Variants in WDR33 observed in about 807,000 individuals in gnomAD.
WDR33 encodes pre-mRNA 3' end processing protein WDR33.
Under a neutral mutation model 164.9 loss-of-function variants are expected in WDR33, and 47 were observed. That is an observed-to-expected ratio of 0.29 (90% CI 0.23 to 0.36). The LOEUF is 0.36. Ranked by LOEUF, WDR33 falls within the 10% of genes least tolerant of loss-of-function variation. WDR33 has a pLI of 1.00. For missense variants in WDR33, 1,137 were observed against 1,754.1 expected (o/e 0.65, Z 6.28); for synonymous variants, 505 against 589.0 (o/e 0.86, Z 2.06).
chr2:127,748,926 G>A (rs1238291503), intron 7 of WDR33, among the ~76,000 whole-genome samples: 2 of 150,124 alleles, frequency 1.3e-5, no homozygotes, highest in Non-Finnish European at 3.0e-5. Flanking sequence ...TTAACTACTG[G>A]AATTATCTGG....
intron 1 of WDR33, among the ~76,000 whole-genome samples, chr2:127,807,682 A>T (rs1470897696): frequency 6.6e-6 from 1 of 152,250 alleles, no homozygotes; most frequent in African/African-American, 2.4e-5. Flanking sequence ...AGAGTTAATA[A>T]GCAACAGCCA....
chr2:127,727,563 G>A (rs577712620), intron 7 of WDR33, among the ~76,000 whole-genome samples: 10 of 151,974 alleles, frequency 6.6e-5, no homozygotes, highest in Non-Finnish European at 1.5e-4. Flanking sequence ...CCCTGAGCCT[G>A]GTCCATGGGA....
In WDR33 at chr2:127,718,538, A is replaced by G. The variant is rs1686349412; in HGVS notation, c.2760+727T>C. ...TGAACTTTCCTCACACCATCTCTCA[A>G]GCACGAGCTCAGCGCATGAGCAATA... On this transcript the variant is annotated intron_variant, in intron 16 of 21. Coordinates refer to ENST00000322313, the MANE Select transcript of WDR33 (RefSeq NM_018383.5). The surrounding 1 kb of genome is among the most constrained non-coding windows in gnomAD (Gnocchi z 4.4). 6.6e-6 allele frequency among the ~76,000 whole-genome samples: 1 copy of G among 152,188 alleles called. No individual in the cohort carries two copies. Among genetic ancestry groups the G allele is most frequent in the Non-Finnish European group, 1.5e-5 (1 of 68,028 alleles).
rs773983716 is a variant in WDR33, at chr2:127,701,916, G to C, written c.*4407C>G. On this transcript the variant is annotated 3_prime_UTR_variant, in exon 22 of 22. Transcript: ENST00000322313. ...GGGAAGCGCGCTGCTGCGGGGCGGCGCGGCGTGCGGACGCCTGCTGCGCTG... is the reference window on the plus strand; with the variant it reads ...GGGAAGCGCGCTGCTGCGGGGCGGCCCGGCGTGCGGACGCCTGCTGCGCTG... 6 of 1,446,522 alleles carry C rather than the reference G, an allele frequency of 4.1e-6. No homozygotes were observed. In the South Asian group the frequency reaches 8.0e-5, roughly 19 times the overall value. 89.6% of individuals were successfully genotyped at this position (1,446,522 alleles called of 1,614,324 possible). A position where few individuals can be genotyped will look rare whatever the true frequency, so the allele number is the denominator to read the frequency against.
chr2:127,773,053 T>C (rs990380498), intron 1 of WDR33, among the ~76,000 whole-genome samples: 5 of 152,080 alleles, frequency 3.3e-5, no homozygotes, highest in Non-Finnish European at 5.9e-5. Flanking sequence ...GGAGGATCAC[T>C]TGAGCCTGGG....
chr2:127,711,778 A>ATTTTTTTTTTTTTTTTTTTTT (rs1375261650), intron 18 of WDR33, among the ~76,000 whole-genome samples: 5 of 93,036 alleles, frequency 5.4e-5, no homozygotes, highest in African/African-American at 2.4e-4. Context: ...ATATATATAT[A>ATTTTTTTTTTTTTTTTTTTTT]TATTTTTTTT....
At chr2:127,779,156 T>G (rs1225600769) in intron 1 of WDR33, among the ~76,000 whole-genome samples, 1 of 130,184 alleles carries the variant, frequency 7.7e-6, no homozygotes, top group East Asian at 2.0e-4. Flanking sequence ...ACAAGCAGCA[T>G]TATTTTAATA....
At chr2:127,746,203 T>C (rs1687164411) in intron 7 of WDR33, among the ~76,000 whole-genome samples, 1 of 152,150 alleles carries the variant, frequency 6.6e-6, no homozygotes. Context: ...GAAGTCATAG[T>C]TCTATTTCAA....
Position 127,738,247 on chromosome 2 carries a change from C to T in WDR33, c.725-11470G>A, listed in dbSNP as rs1290491179. ...TTTCTGTTTCAAAGAAAAATGTAAT[C>T]TGAGAAAACTTCAACTGGGAGCTGG... On this transcript the variant is annotated intron_variant, in intron 7 of 21. Coordinates refer to ENST00000322313, the MANE Select transcript of WDR33 (RefSeq NM_018383.5). This position sits in a 1 kb window ranked among gnomAD's most constrained non-coding sequence, Gnocchi z 4.4. Among the ~76,000 whole-genome samples, 2 of 152,090 alleles carry T rather than the reference C, an allele frequency of 1.3e-5. No homozygotes were observed. The highest frequency in any genetic ancestry group is 4.8e-5 in the African/African-American group (2 of 41,416).
chr2:127,787,844 A>AC (rs1213777039), intron 1 of WDR33, among the ~76,000 whole-genome samples: 1 of 17,418 alleles, frequency 5.7e-5, no homozygotes, highest in African/African-American at 4.1e-4. Flanking sequence ...GGGGGGGCTG[A>AC]CCCCCCCCCA....
Position 127,714,114 on chromosome 2 carries a change from C to G in WDR33, c.2870-93G>C. On this transcript the variant is annotated intron_variant, in intron 17 of 21. Transcript: ENST00000322313. The surrounding 1 kb of genome is among the most constrained non-coding windows in gnomAD (Gnocchi z 4.3). The stretch of plus-strand genomic sequence containing the variant: ...GCATCTCTACATTTCAGAATACATT[C>G]TTTATTGAGAATGTTTTCCCTCCTT... 1 of 1,303,014 alleles carries G rather than the reference C, an allele frequency of 7.7e-7. No individual in the cohort carries two copies. The highest frequency in any genetic ancestry group is 1.0e-6 in the Non-Finnish European group (1 of 994,174). 80.7% of individuals were successfully genotyped at this position (1,303,014 alleles called of 1,614,324 possible).
intron 7 of WDR33, among the ~76,000 whole-genome samples, chr2:127,732,108 A>AAC (rs71394692): frequency 0.05 from 6,896 of 138,058 alleles, 163 homozygotes; most frequent in Non-Finnish European, 0.054. Flanking sequence ...CAACATATAC[A>AAC]ACACACACAC....
chr2:127,727,694 G>T (rs1002483099), intron 7 of WDR33, among the ~76,000 whole-genome samples: 1 of 152,166 alleles, frequency 6.6e-6, no homozygotes, highest in Admixed American at 6.5e-5. Context: ...TGAAAAAAAT[G>T]GATATGATTT....
At chr2:127,805,906 T>C (rs962452307) in intron 1 of WDR33, among the ~76,000 whole-genome samples, 13 of 151,856 alleles carry the variant, frequency 8.6e-5, no homozygotes, top group Non-Finnish European at 1.3e-4. Flanking sequence ...AAGTGTCGTC[T>C]TGAAGCTGGA....
At position 127,723,039 on chromosome 2, in the gene WDR33, G is replaced by C. The variant is rs1213935853; in HGVS notation, c.1297C>G (p.Leu433Val). The C allele has an allele frequency of 1.9e-6, 3 of 1,608,810 alleles. No individual in the cohort carries two copies. Among genetic ancestry groups the C allele is most frequent in the Non-Finnish European group, 2.5e-6 (3 of 1,178,442 alleles). ...MSEDGVEYDDLEPNSLAVIPG... is the reference protein window; with the variant it reads ...MSEDGVEYDDVEPNSLAVIPG... Reference sequence around the variant, plus strand: ...ATTACTGCCAGGCTATTAGGTTCGAGGTCATCTATAAATAGTAATACACCA... The same window carrying C: ...ATTACTGCCAGGCTATTAGGTTCGACGTCATCTATAAATAGTAATACACCA... Residue 433 changes from leucine to valine, a missense_variant, in exon 13 of 22, where the codon CTC becomes GTC. By Grantham distance (32) the Leu-to-Val change is conservative (BLOSUM62 1). Transcript: ENST00000322313. The surrounding 1 kb of genome is among the most constrained non-coding windows in gnomAD (Gnocchi z 5.9).
chr2:127,708,098 C>T lies in WDR33; in HGVS notation c.3781+579G>A, dbSNP rs183634263. Among the ~76,000 whole-genome samples the T allele has an allele frequency of 4.6e-5, 7 of 152,318 alleles. No individual in the cohort carries two copies. The South Asian group carries it at 1.2e-3, about 27-fold the overall frequency. On this transcript the variant is annotated intron_variant, in intron 21 of 21. Transcript: ENST00000322313. This position sits in a 1 kb window ranked among gnomAD's most constrained non-coding sequence, Gnocchi z 6.7. ...CACCACCTATGCACCTCCCCCGCTG[C>T]CTTGCAACCAGAGTTGTATAGTCAG...
intron 1 of WDR33, among the ~76,000 whole-genome samples, chr2:127,803,947 CAA>C (rs559652976): frequency 0.026 from 1,592 of 61,858 alleles, 19 homozygotes; most frequent in African/African-American, 0.089. Context: ...GACCCAGTCT[CAA>C]AAAAAAAAAA....
chr2:127,753,998 G>C (rs979361873), intron 7 of WDR33, among the ~76,000 whole-genome samples: 2 of 152,186 alleles, frequency 1.3e-5, no homozygotes, highest in Admixed American at 1.3e-4. Context: ...TCTAGAGGTA[G>C]TTAGGCAAGT....
At chr2:127,786,535 T>G (rs562315877) in intron 1 of WDR33, among the ~76,000 whole-genome samples, 1 of 152,088 alleles carries the variant, frequency 6.6e-6, no homozygotes, top group Non-Finnish European at 1.5e-5. Context: ...ATACAAACAT[T>G]AGCTGGGCAT....
Sources: allele counts gnomAD v4.1 joint callset (sites outside exome capture counted in the v4.1 genomes callset), GRCh38; gene constraint gnomAD v4.1.1; non-coding constraint Gnocchi (gnomAD v3.1); transcripts MANE v1.5; gene names NCBI Gene and HGNC (gene_info 2026-07-23, HGNC 2026-07-21).